TTN: variants seen among roughly 807,000 people sequenced by gnomAD.
TTN encodes the protein titin, also known as connectin.
A neutral mutation model predicts 3,223.0 loss-of-function variants in TTN; 1,525 were observed. That is an observed-to-expected ratio of 0.47 (90% CI 0.45 to 0.49). The LOEUF (loss-of-function observed/expected upper bound fraction) is 0.49, where lower values mean the gene tolerates loss of function less well. Among genes scored for constraint, TTN ranks in the 20% least tolerant of loss-of-function variants. The pLI is 0.00. For missense variants in TTN, 40,786 were observed against 43,424.0 expected (o/e 0.94, Z 5.40); for synonymous variants, 14,094 against 15,161.0 (o/e 0.93, Z 5.17).
chr2:178,576,985 A>G lies in TTN; in HGVS notation c.69350T>C (p.Val23117Ala). ...AGGTTCTCCTTTGCCATAGTGGTTT[A>G]CAGCTGAGACCCGGAAGATGTACTC... The part of the protein sequence containing the change: ...GNEYIFRVSA[V>A]NHYGKGEPVQ... Residue 23117 changes from valine to alanine, a missense_variant, in exon 324 of 363, where the codon GTA becomes GCA. By Grantham distance (64) the Val-to-Ala change is moderately conservative. Coordinates refer to ENST00000589042, the MANE Select transcript of TTN (RefSeq NM_001267550.2). This position sits in a 1 kb window ranked among gnomAD's most constrained non-coding sequence, Gnocchi z 4.3. 6.2e-7 allele frequency: 1 copy of G among 1,613,516 alleles called. No homozygotes were observed. The highest frequency in any genetic ancestry group is 8.5e-7 in the Non-Finnish European group (1 of 1,179,580).
rs72646864 is a variant in TTN at position 178,583,597 on chromosome 2, A to G, written c.65575+10T>C. 368 of 1,584,638 alleles carry G rather than the reference A, an allele frequency of 2.3e-4. No individual in the cohort carries two copies. Among genetic ancestry groups the G allele is most frequent in the Non-Finnish European group, 2.9e-4 (338 of 1,163,140 alleles). On this transcript the variant is annotated intron_variant, in intron 312 of 362. Coordinates refer to ENST00000589042, the MANE Select transcript of TTN (RefSeq NM_001267550.2). Reference sequence around the variant, plus strand: ...TACATCTTTGCCTATAATACTCAGCAGAATCTTACCATTTTCTGCGAGGAT... The same window carrying G: ...TACATCTTTGCCTATAATACTCAGCGGAATCTTACCATTTTCTGCGAGGAT...
At position 178,534,191 on chromosome 2, in the gene TTN, T is replaced by G. The variant is rs528796532; in HGVS notation, c.102424A>C (p.Ile34142Leu). The change falls in exon 358 of 363, where the codon ATA becomes CTA. Residue 34142 changes from isoleucine to leucine, a missense_variant. Coordinates refer to ENST00000589042, the MANE Select transcript of TTN (RefSeq NM_001267550.2). ...SIEIGPVSGQ[I>L]MHAVGEEGGH... ...CCTTCTTCACCAACTGCATGCATTA[T>G]CTGCCCAGAAACTGGGCCAATTTCA... The G allele has an allele frequency of 1.5e-5, 25 of 1,613,998 alleles. No individual in the cohort carries two copies. The South Asian group carries it at 2.4e-4, about 16-fold the overall frequency.
intron 155 of TTN, 83 bp from the exon 156 acceptor site, chr2:178,671,253 G>T: frequency 1.1e-6 from 1 of 902,950 alleles, no homozygotes; most frequent in Non-Finnish European, 1.6e-6. Context: ...ACAATGAGGG[G>T]TCACAAAATT....
chr2:178,539,240 G>T lies in TTN; in HGVS notation c.98695C>A (p.Pro32899Thr), dbSNP rs199689531. The T allele has an allele frequency of 1.9e-6, 3 of 1,612,862 alleles. No homozygotes were observed. The African/African-American group carries it at 4.0e-5, about 22-fold the overall frequency. ...TPKTPLNPPE[P>T]PSNPPEVLDV... is the part of the protein sequence containing the mutation. ...AGTACTTCTGGAGGATTGCTTGGAG[G>T]TTCTGGAGGATCTGTAAATATAAGT... Residue 32899 changes from proline (P) to threonine (T), a missense_variant, in exon 353 of 363, where the codon CCT becomes ACT. By Grantham distance (38) the Pro-to-Thr change is conservative. Coordinates refer to ENST00000589042, the MANE Select transcript of TTN (RefSeq NM_001267550.2).
At position 178,537,680 on chromosome 2, in the gene TTN, G is replaced by A; in HGVS notation, c.99527C>T (p.Thr33176Ile). 6.2e-7 allele frequency: 1 copy of A among 1,613,774 alleles called. No individual in the cohort carries two copies. The highest frequency in any genetic ancestry group is 8.5e-7 in the Non-Finnish European group (1 of 1,179,784). ...EDEGVYTCIA[T>I]NEVGEVETSS... ...GGTTTCTACTTCTCCAACCTCATTG[G>A]TGGCTATGCAGGTATAAACACCTTC... Residue 33176 changes from threonine to isoleucine, a missense_variant, in exon 355 of 363, where the codon ACC becomes ATC. By Grantham distance (89) the Thr-to-Ile change is moderately conservative. Transcript: ENST00000589042.
rs367821213 is a variant in TTN, at chr2:178,741,845, T to C, written c.11388A>G (p.Glu3796=). 65 of 1,606,052 alleles carry C rather than the reference T, an allele frequency of 4.0e-5. No homozygotes were observed. In the African/African-American group the frequency reaches 8.4e-4, roughly 21 times the overall value. The part of the protein sequence containing the change: ...SAELQLSKIN[E]TLELLSESPV... ...GAGATTCAGACAAAAGTTCAAGTGT[T>C]TCATTTATTTTAGATAATTGAAGTT... The change falls in exon 48 of 363, where the codon GAA becomes GAG. Residue 3796 remains glutamate, a synonymous_variant. Coordinates refer to ENST00000589042, the MANE Select transcript of TTN (RefSeq NM_001267550.2).
In TTN at chr2:178,544,417, C is replaced by T. The variant is rs1559132766; in HGVS notation, c.95812G>A (p.Gly31938Ser). 2 of 1,613,588 alleles carry T rather than the reference C, an allele frequency of 1.2e-6. No homozygotes were observed. The highest frequency in any genetic ancestry group is 1.7e-5 in the Admixed American group (1 of 59,984). The change falls in exon 345 of 363, where the codon GGT becomes AGT. Residue 31938 changes from glycine to serine, a missense_variant. Gly to Ser is a moderately conservative substitution (Grantham distance 56). Transcript: ENST00000589042. ...LAWTKPMYDGGTDIVGYVLEM... is the reference protein window; with the variant it reads ...LAWTKPMYDGSTDIVGYVLEM... Reference sequence around the variant, plus strand: ...AGAACATATCCTACAATGTCAGTACCACCATCGTACATGGGTTTGGTCCAT... The same window carrying T: ...AGAACATATCCTACAATGTCAGTACTACCATCGTACATGGGTTTGGTCCAT...
At chr2:178,629,272 G>T in intron 240 of TTN, 29 bp downstream of exon 240, 1 of 1,607,138 alleles carries the variant, frequency 6.2e-7, no homozygotes, top group Non-Finnish European at 8.5e-7. Context: ...GAAAAAGAAC[G>T]GGAAAGACAA....
chr2:178,553,398 T>C lies in TTN; in HGVS notation c.89504-2A>G. On this transcript the variant is annotated splice_acceptor_variant, in intron 334 of 362. Coordinates refer to ENST00000589042, the MANE Select transcript of TTN (RefSeq NM_001267550.2). LOFTEE classifies it high-confidence loss of function. ...CATCCAGGTCAATCTCTGGTGCCTCTGTAGACATAAAATGGATACATACAG... is the reference window on the plus strand; with the variant it reads ...CATCCAGGTCAATCTCTGGTGCCTCCGTAGACATAAAATGGATACATACAG... 3 of 1,588,028 alleles carry C rather than the reference T, an allele frequency of 1.9e-6. No homozygotes were observed. The highest frequency in any genetic ancestry group is 2.6e-6 in the Non-Finnish European group (3 of 1,167,662).
At chr2:178,579,901 A>ATAAC (rs760152481) in intron 318 of TTN, 38 bp downstream of exon 318, 1 of 1,612,452 alleles carries the variant, frequency 6.2e-7, no homozygotes, top group Non-Finnish European at 8.5e-7. Context: ...AAGGAAGGAT[A>ATAAC]TAACTCAAAA....
Position 178,551,997 on chromosome 2 carries a change from T to G in TTN, c.90903A>C (p.Ala30301=). Residue 30301 remains alanine (A), a synonymous_variant, in exon 335 of 363, where the codon GCA becomes GCC. Coordinates refer to ENST00000589042, the MANE Select transcript of TTN (RefSeq NM_001267550.2). ...GTTGGCTGACTCCGTATCTGTTTTC[T>G]GCTCTCACTCTAAACTGGTACTCAG... ...KDAEYQFRVR[A]ENRYGVSQPL... The G allele has an allele frequency of 1.2e-6, 2 of 1,611,990 alleles. No individual in the cohort carries two copies. The highest frequency in any genetic ancestry group is 1.7e-6 in the Non-Finnish European group (2 of 1,178,302).
chr2:178,535,327 A>G lies in TTN; in HGVS notation c.101288T>C (p.Ile33763Thr), dbSNP rs1180167121. ...GCTCAGACCAAATTTATTTTCAGCTATTACCCGGAACTGGTAACTTGTTTT... is the reference window on the plus strand; with the variant it reads ...GCTCAGACCAAATTTATTTTCAGCTGTTACCCGGAACTGGTAACTTGTTTT... ...FGKTSYQFRV[I>T]AENKFGLSKP... The change falls in exon 358 of 363, where the codon ATA becomes ACA. Residue 33763 changes from isoleucine to threonine, a missense_variant. Coordinates refer to ENST00000589042, the MANE Select transcript of TTN (RefSeq NM_001267550.2). 10 of 1,613,896 alleles carry G rather than the reference A, an allele frequency of 6.2e-6. No individual in the cohort carries two copies. The highest frequency in any genetic ancestry group is 2.2e-5 in the East Asian group (1 of 44,874).
chr2:178,567,443 C>A lies in TTN; in HGVS notation c.78689G>T (p.Gly26230Val). 6.2e-7 allele frequency: 1 copy of A among 1,612,566 alleles called. No individual in the cohort carries two copies. Among genetic ancestry groups the A allele is most frequent in the Non-Finnish European group, 8.5e-7 (1 of 1,179,232 alleles). The change falls in exon 326 of 363, where the codon GGA becomes GTA. Residue 26230 changes from glycine (G) to valine (V), a missense_variant. Gly to Val is a moderately radical substitution (Grantham distance 109). Coordinates refer to ENST00000589042, the MANE Select transcript of TTN (RefSeq NM_001267550.2). ...AGCAGATTCTTCAATTTCCTTATCT[C>A]CTCTTAACCACTCAATGGTAGGTAG... The part of the protein sequence containing the change: ...KPLPTIEWLR[G>V]DKEIEESARC...
rs1027065657 is a variant in TTN, at chr2:178,553,447, T to C, written c.89504-51A>G. ...AGTGAATTTTAAAAGCAAAAAAGAGTGATTTCCTGGAAGTATGCTTATTAA... is the reference window on the plus strand; with the variant it reads ...AGTGAATTTTAAAAGCAAAAAAGAGCGATTTCCTGGAAGTATGCTTATTAA... On this transcript the variant is annotated intron_variant, in intron 334 of 362. Transcript: ENST00000589042. 1.9e-6 allele frequency: 3 copies of C among 1,570,736 alleles called. No individual in the cohort carries two copies. In the African/African-American group the frequency reaches 4.1e-5, roughly 21 times the overall value.
rs201285872 is a variant in TTN at position 178,587,269 on chromosome 2, C to T, written c.63942G>A (p.Ser21314=). 1.0e-3 allele frequency: 1,643 copies of T among 1,613,040 alleles called. 2 individuals are homozygous for T. The highest frequency in any genetic ancestry group is 1.2e-3 in the Non-Finnish European group (1,421 of 1,179,494). The part of the protein sequence containing the change: ...EKREADRKTW[S]TVTPEVKKTS... Reference sequence around the variant, plus strand: ...TTTTCTTAACTTCTGGGGTAACGGTCGACCATGTCTTTCTGTCTGCCTCAC... The same window carrying T: ...TTTTCTTAACTTCTGGGGTAACGGTTGACCATGTCTTTCTGTCTGCCTCAC... The change falls in exon 307 of 363, where the codon TCG becomes TCA. Residue 21314 remains serine (S), a synonymous_variant. Coordinates refer to ENST00000589042, the MANE Select transcript of TTN (RefSeq NM_001267550.2).
Position 178,792,184 on chromosome 2 carries a change from G to A in TTN, c.1550C>T (p.Thr517Ile), listed in dbSNP as rs370026046. ...HVTHEQIRKE[T>I]EKTFVPKVVI... ...TACCTTTGGTACAAATGTTTTTTCA[G>A]TTTCTTTTCTTATCTGCAAAGAATG... The change falls in exon 10 of 363, where the codon ACT becomes ATT. Residue 517 changes from threonine to isoleucine, a missense_variant. Transcript: ENST00000589042. 6.2e-6 allele frequency: 10 copies of A among 1,606,428 alleles called. No individual in the cohort carries two copies. The African/African-American group carries it at 1.3e-4, about 22-fold the overall frequency.
rs1441716407 is a variant in TTN at position 178,790,061 on chromosome 2, T to C, written c.1855A>G (p.Lys619Glu). Residue 619 changes from lysine to glutamate, a missense_variant, in exon 12 of 363, where the codon AAA (lysine) becomes GAA (glutamate). Physicochemically the swap from Lys to Glu is moderately conservative, Grantham distance 56. Transcript: ENST00000589042. ...GATACTAAATCTTGTTCTTTGACTT[T>C]GGGTGTGGCAACTATGACTTTAGGT... The part of the protein sequence containing the change: ...VVPKVIVATP[K>E]VKEQDLVSRG... 2.5e-6 allele frequency: 4 copies of C among 1,613,270 alleles called. No individual in the cohort carries two copies. The highest frequency in any genetic ancestry group is 3.4e-6 in the Non-Finnish European group (4 of 1,179,478).
chr2:178,651,828 A>G (rs1352983762), intron 205 of TTN, 56 bp downstream of exon 205: 3 of 1,598,628 alleles, frequency 1.9e-6, no homozygotes, highest in Non-Finnish European at 2.6e-6. Flanking sequence ...CAGAATTATC[A>G]GGGCAGGAAG....
In TTN at chr2:178,666,917, T is replaced by C. The variant is rs2066042960; in HGVS notation, c.35798-16A>G. 1 of 1,513,928 alleles carries C rather than the reference T, an allele frequency of 6.6e-7. No individual in the cohort carries two copies. The highest frequency in any genetic ancestry group is 1.4e-5 in the African/African-American group (1 of 70,848). 93.8% of individuals were successfully genotyped at this position (1,513,928 alleles called of 1,614,324 possible). The stretch of plus-strand genomic sequence containing the variant: ...ACTTCAAACTCTTTAAAGATATTAG[T>C]ATTTTTTTTAATTGAGAAAAGGCAA... On this transcript the variant is annotated splice_polypyrimidine_tract_variant and intron_variant, in intron 162 of 362. Coordinates refer to ENST00000589042, the MANE Select transcript of TTN (RefSeq NM_001267550.2).
Sources: allele counts gnomAD v4.1 joint callset, GRCh38; gene constraint gnomAD v4.1.1; non-coding constraint Gnocchi (gnomAD v3.1); transcripts MANE v1.5; gene names NCBI Gene and HGNC (gene_info 2026-07-23, HGNC 2026-07-21).